Variants in ATP8B4 observed in about 807,000 individuals in gnomAD.
ATP8B4 encodes the protein ATPase phospholipid transporting 8B4 (putative).
In ATP8B4, 133 loss-of-function variants were observed where a neutral mutation model predicts 145.6. That is an observed-to-expected ratio of 0.91 (90% confidence interval 0.79 to 1.05). ATP8B4 has a LOEUF of 1.05. Ranked by LOEUF, ATP8B4 falls within the 50% of genes least tolerant of loss-of-function variation. The pLI, the probability that ATP8B4 is intolerant of heterozygous loss-of-function variation, is 0.00. For missense variants in ATP8B4, 1,458 were observed against 1,425.2 expected (o/e 1.02, Z -0.37); for synonymous variants, 507 against 492.9 (o/e 1.03, Z -0.38).
intron 2 of ATP8B4, among the ~76,000 whole-genome samples, chr15:50,085,696 C>A (rs997855267): frequency 5.3e-5 from 8 of 150,786 alleles, no homozygotes; most frequent in Admixed American, 1.3e-4. Context: ...TAGTATTCAA[C>A]AACTCCTAGT....
intron 25 of ATP8B4, among the ~76,000 whole-genome samples, chr15:49,875,685 T>C (rs563462699): frequency 2.6e-5 from 4 of 152,162 alleles, no homozygotes; most frequent in Non-Finnish European, 5.9e-5. Context: ...AAAGTTTTTG[T>C]GAACTCTAAC....
chr15:50,140,624 T>A (rs1373111798), intron 1 of ATP8B4, among the ~76,000 whole-genome samples: 4 of 150,128 alleles, frequency 2.7e-5, no homozygotes, highest in Admixed American at 1.3e-4. Context: ...CATAACATAG[T>A]TTCATTTGTT....
At chr15:50,142,214 A>G (rs1306169775) in intron 1 of ATP8B4, among the ~76,000 whole-genome samples, 1 of 152,180 alleles carries the variant, frequency 6.6e-6, no homozygotes, top group Non-Finnish European at 1.5e-5. Context: ...TGCCGAAGGA[A>G]AGCAGCTTTT....
intron 9 of ATP8B4, among the ~76,000 whole-genome samples, chr15:49,992,888 A>G (rs370936174): frequency 2.0e-4 from 31 of 152,278 alleles, no homozygotes; most frequent in African/African-American, 7.0e-4. Flanking sequence ...TAGCCAGGGC[A>G]TTGCCAAACA....
At chr15:49,976,200 T>C (rs1013070179) in intron 12 of ATP8B4, among the ~76,000 whole-genome samples, 2 of 151,988 alleles carry the variant, frequency 1.3e-5, no homozygotes, top group African/African-American at 2.4e-5. Context: ...TGACACTCTT[T>C]GTTTATTTAT....
chr15:50,118,144 TATAGATATAAACG>T (rs1280731544), intron 1 of ATP8B4, among the ~76,000 whole-genome samples: 1 of 152,158 alleles, frequency 6.6e-6, no homozygotes, highest in Non-Finnish European at 1.5e-5. Context: ...TAATAAACGA[TATAGATATAAACG>T]ATAAAATAAA....
rs143788989 is a variant in ATP8B4 at position 49,931,148 on chromosome 15, T to C, written c.1613A>G (p.Asn538Ser). 130 of 1,611,836 alleles carry C rather than the reference T, an allele frequency of 8.1e-5. No homozygotes were observed. The highest frequency in any genetic ancestry group is 1.0e-4 in the Non-Finnish European group (123 of 1,178,684). Residue 538 changes from asparagine (N) to serine (S), a missense_variant, in exon 16 of 28, where the codon AAC (asparagine) becomes AGC (serine). Asn to Ser is a conservative substitution (Grantham distance 46). Transcript: ENST00000284509. ...GACAGACATCCTTTTTCTGGTGTTGTTGAAATCCAAAAAGGCAAGTAATTG... is the reference window on the plus strand; with the variant it reads ...GACAGACATCCTTTTTCTGGTGTTGCTGAAATCCAAAAAGGCAAGTAATTG... ...TYQLLAFLDFNNTRKRMSVIV... is the reference protein window; with the variant it reads ...TYQLLAFLDFSNTRKRMSVIV...
intron 23 of ATP8B4, among the ~76,000 whole-genome samples, chr15:49,890,842 C>T (rs2036706618): frequency 1.3e-5 from 2 of 152,174 alleles, no homozygotes; most frequent in South Asian, 2.1e-4. Context: ...GTCTTCAATA[C>T]CGCGAACATG....
In ATP8B4 at chr15:50,021,815, G is replaced by A. The variant is rs763320862; in HGVS notation, c.363-10898C>T. Among the ~76,000 whole-genome samples, 8 of 152,160 alleles carry A rather than the reference G, an allele frequency of 5.3e-5. No individual in the cohort carries two copies. In the East Asian group the frequency reaches 5.8e-4, roughly 11 times the overall value. ...GTATCCTTAGTACATAGGAGAGTGC[G>A]TGGCACATATTAGGGGCTCAATACA... On this transcript the variant is annotated intron_variant, in intron 6 of 27. Coordinates refer to ENST00000284509, the MANE Select transcript of ATP8B4 (RefSeq NM_024837.4).
At chr15:50,129,966 A>AAG (rs2057334842) in intron 1 of ATP8B4, among the ~76,000 whole-genome samples, 5 of 133,664 alleles carry the variant, frequency 3.7e-5, no homozygotes, top group Non-Finnish European at 6.2e-5. Flanking sequence ...AAAAAAAAAA[A>AAG]AAAGAAAGAA....
chr15:50,015,088 G>A (rs1367030446), intron 6 of ATP8B4, among the ~76,000 whole-genome samples: 2 of 152,156 alleles, frequency 1.3e-5, no homozygotes, highest in Non-Finnish European at 2.9e-5. Flanking sequence ...AAAAGGATAA[G>A]GTAGGTCTAT....
chr15:49,898,633 C>CTTT (rs1295770793), intron 21 of ATP8B4, among the ~76,000 whole-genome samples: 1 of 152,164 alleles, frequency 6.6e-6, no homozygotes, highest in Non-Finnish European at 1.5e-5. Flanking sequence ...GAATGAACTA[C>CTTT]AAATGATGAT....
At chr15:50,087,467 A>G (rs994967657) in intron 2 of ATP8B4, among the ~76,000 whole-genome samples, 2 of 148,556 alleles carry the variant, frequency 1.3e-5, no homozygotes, top group African/African-American at 2.5e-5. Context: ...CATATTCTTG[A>G]GAGGTGATAA....
intron 20 of ATP8B4, chr15:49,908,148 C>T: frequency 2.2e-6 from 1 of 455,022 alleles, no homozygotes; most frequent in Non-Finnish European, 4.4e-6. Flanking sequence ...GTACTGCCTA[C>T]AATACTCTTC....
chr15:50,030,296 A>G (rs530144521), intron 6 of ATP8B4, among the ~76,000 whole-genome samples: 1 of 152,198 alleles, frequency 6.6e-6, no homozygotes, highest in African/African-American at 2.4e-5. Flanking sequence ...TAAATGGCAC[A>G]TAGAACTTGG....
chr15:49,913,121 T>G (rs2039399280), intron 20 of ATP8B4, among the ~76,000 whole-genome samples: 1 of 148,900 alleles, frequency 6.7e-6, no homozygotes, highest in African/African-American at 2.6e-5. Context: ...ACAGAGCACC[T>G]GGCTTTTTTT....
rs944978504 is a variant in ATP8B4, at chr15:50,150,115, T to A, written c.-43+32146A>T. ...GACTCCGTCCCAAAAAAAAAAAAAATTTCATAGTGGTTTTTGAGATAATTA... is the reference window on the plus strand; with the variant it reads ...GACTCCGTCCCAAAAAAAAAAAAAAATTCATAGTGGTTTTTGAGATAATTA... On this transcript the variant is annotated intron_variant, in intron 1 of 3. Coordinates refer to the ATP8B4 transcript ENST00000558829. 9.9e-5 allele frequency among the ~76,000 whole-genome samples: 15 copies of A among 151,570 alleles called. No homozygotes were observed. The East Asian group carries it at 1.6e-3, about 16-fold the overall frequency.
At chr15:49,879,633 T>C (rs2035067572) in intron 23 of ATP8B4, 174 bp from the exon 24 acceptor site, 2 of 581,218 alleles carry the variant, frequency 3.4e-6, no homozygotes, top group Admixed American at 3.3e-5. Context: ...CTTAATGGGA[T>C]ACTAGATCTC....
At chr15:50,112,343 T>C (rs2056986256) in intron 1 of ATP8B4, among the ~76,000 whole-genome samples, 1 of 151,606 alleles carries the variant, frequency 6.6e-6, no homozygotes, top group African/African-American at 2.4e-5. Flanking sequence ...GCCTAGGGAG[T>C]AACTGAAGTG....
Sources: allele counts gnomAD v4.1 joint callset (sites outside exome capture counted in the v4.1 genomes callset), GRCh38; gene constraint gnomAD v4.1.1; transcripts MANE v1.5; gene names NCBI Gene and HGNC (gene_info 2026-07-23, HGNC 2026-07-21).